CACNA2D2: variants seen among roughly 807,000 people sequenced by gnomAD.
CACNA2D2 encodes the protein voltage-dependent calcium channel subunit alpha-2/delta-2.
A neutral mutation model predicts 166.4 loss-of-function variants in CACNA2D2; 48 were observed. The ratio of observed to expected loss-of-function variants is 0.29; its 90% CI spans 0.23 to 0.37. The LOEUF is 0.37. CACNA2D2 is among the 10% of genes least tolerant of loss of function. The pLI is 1.00. For synonymous variants in CACNA2D2, 561 were observed against 573.7 expected, an observed-to-expected ratio of 0.98 and a Z score of 0.32; for missense variants, 1,122 against 1,433.0, an observed-to-expected ratio of 0.78 and a Z score of 3.50.
At chr3:50,391,468 G>A (rs1285244040) in intron 4 of CACNA2D2, among the ~76,000 whole-genome samples, 1 of 152,238 alleles carries the variant, frequency 6.6e-6, no homozygotes, top group African/African-American at 2.4e-5. Context: ...AGTGTTATGG[G>A]CACCAGGGCA....
chr3:50,489,304 A>G (rs1698420660), intron 1 of CACNA2D2, among the ~76,000 whole-genome samples: 1 of 152,082 alleles, frequency 6.6e-6, no homozygotes, highest in Non-Finnish European at 1.5e-5. Flanking sequence ...ATCCTTCTTC[A>G]TTGTAGAGTA....
chr3:50,401,688 AG>A (rs1689170303), intron 3 of CACNA2D2, among the ~76,000 whole-genome samples: 1 of 152,136 alleles, frequency 6.6e-6, no homozygotes, highest in African/African-American at 2.4e-5. Context: ...GTTACCAAAA[AG>A]TGAACGTTTT....
intron 3 of CACNA2D2, among the ~76,000 whole-genome samples, chr3:50,399,608 G>C (rs997114509): frequency 6.6e-6 from 1 of 152,274 alleles, no homozygotes; most frequent in East Asian, 1.9e-4. Context: ...TGCCTCCCCA[G>C]CAAGACTCAC....
intron 2 of CACNA2D2, among the ~76,000 whole-genome samples, chr3:50,465,943 C>G (rs1709810534): frequency 6.6e-6 from 1 of 152,168 alleles, no homozygotes; most frequent in Non-Finnish European, 1.5e-5. Flanking sequence ...CCTGCAAACT[C>G]TGGAGGATGC....
In CACNA2D2 at chr3:50,412,520, G is replaced by A. The variant is rs187495655; in HGVS notation, c.406-18352C>T. Among the ~76,000 whole-genome samples the A allele has an allele frequency of 9.8e-3, 1,480 of 151,186 alleles. 13 individuals carry two copies. The highest frequency in any genetic ancestry group is 0.016 in the Non-Finnish European group (1,090 of 67,994). ...GAGCCCCTCCTTGCTCCCAGGTCTC[G>A]TGCATCCCAAAGCCATGGGCACTCA... On this transcript the variant is annotated intron_variant, in intron 3 of 37. Coordinates refer to ENST00000424201, the MANE Select transcript of CACNA2D2 (RefSeq NM_006030.4).
intron 1 of CACNA2D2, among the ~76,000 whole-genome samples, chr3:50,491,341 T>C (rs1340513191): frequency 1.3e-5 from 2 of 152,090 alleles, no homozygotes; most frequent in East Asian, 3.9e-4. Context: ...TTGCCCAGAC[T>C]ATCACAGTGA....
At chr3:50,382,319 C>A (rs1333754019) in intron 6 of CACNA2D2, among the ~76,000 whole-genome samples, 1 of 152,182 alleles carries the variant, frequency 6.6e-6, no homozygotes, top group South Asian at 2.1e-4. Flanking sequence ...GGATCCCCAT[C>A]AAAAATCTAC....
At chr3:50,454,778 G>A (rs1559965262) in intron 2 of CACNA2D2, among the ~76,000 whole-genome samples, 1 of 152,174 alleles carries the variant, frequency 6.6e-6, no homozygotes, top group Non-Finnish European at 1.5e-5. Flanking sequence ...CAGGGTGGCT[G>A]GAGGAGGGGC....
At position 50,376,259 on chromosome 3, in the gene CACNA2D2, C is replaced by T. The variant is rs890739754; in HGVS notation, c.1627-71G>A. The T allele has an allele frequency of 3.1e-5, 47 of 1,497,358 alleles. No homozygotes were observed. Among genetic ancestry groups the T allele is most frequent in the Non-Finnish European group, 4.1e-5 (44 of 1,085,892 alleles). The allele number at this position is 1,497,358 out of a possible 1,614,324, so 92.8% of individuals were successfully genotyped here. A position where few individuals can be genotyped will look rare whatever the true frequency, so the allele number is the denominator to read the frequency against. On this transcript the variant is annotated intron_variant, in intron 17 of 37. Transcript: ENST00000424201. This position sits in a 1 kb window ranked among gnomAD's most constrained non-coding sequence, Gnocchi z 4.3. ...GGTTCCCTGGGCTCCGGAGTTCTTCCCTATTTGGCCTCCCACCGCACCGAG... is the reference window on the plus strand; with the variant it reads ...GGTTCCCTGGGCTCCGGAGTTCTTCTCTATTTGGCCTCCCACCGCACCGAG...
intron 4 of CACNA2D2, among the ~76,000 whole-genome samples, chr3:50,387,996 T>A (rs1170094023): frequency 6.6e-6 from 1 of 152,158 alleles, no homozygotes; most frequent in East Asian, 1.9e-4. Context: ...AAATAATGAC[T>A]CGACGCCGCA....
chr3:50,365,802 G>T lies in CACNA2D2; in HGVS notation c.2915+8C>A. 1 of 1,613,512 alleles carries T rather than the reference G, an allele frequency of 6.2e-7. No individual in the cohort carries two copies. On this transcript the variant is annotated splice_region_variant and intron_variant, in intron 33 of 37. Transcript: ENST00000424201. The surrounding 1 kb of genome is among the most constrained non-coding windows in gnomAD (Gnocchi z 4.5). ...ACCTTCTCTACCCACCTCCCGCTCA[G>T]GACTCACCAGGCGGCAGCAGAGGTC...
At chr3:50,468,493 T>C (rs982471804) in intron 2 of CACNA2D2, among the ~76,000 whole-genome samples, 4 of 143,660 alleles carry the variant, frequency 2.8e-5, no homozygotes, top group African/African-American at 1.0e-4. Context: ...GATGGAAGGA[T>C]TGAGCGGCCC....
intron 2 of CACNA2D2, among the ~76,000 whole-genome samples, chr3:50,474,449 C>G (rs527700368): frequency 6.6e-6 from 1 of 152,156 alleles, no homozygotes; most frequent in East Asian, 1.9e-4. Context: ...CATGATGGTA[C>G]GCTGAGCTGG....
chr3:50,378,859 A>G, intron 13 of CACNA2D2, 56 bp downstream of exon 13: 1 of 1,602,798 alleles, frequency 6.2e-7, no homozygotes, highest in Admixed American at 1.7e-5. Flanking sequence ...GAACATACGC[A>G]ATCGACAAAA....
intron 1 of CACNA2D2, among the ~76,000 whole-genome samples, chr3:50,484,416 C>T (rs141907884): frequency 3.4e-4 from 52 of 152,306 alleles, no homozygotes; most frequent in Non-Finnish European, 5.1e-4. Context: ...CCTCTGTCAA[C>T]TCCGTCGCAC....
intron 23 of CACNA2D2, among the ~76,000 whole-genome samples, chr3:50,368,940 C>T (rs887046686): frequency 2.6e-5 from 4 of 152,220 alleles, no homozygotes; most frequent in African/African-American, 7.2e-5. Flanking sequence ...AGCTCTCTCT[C>T]GCTCGACCCC....
At chr3:50,466,611 G>C (rs1303272167) in intron 2 of CACNA2D2, among the ~76,000 whole-genome samples, 1 of 152,198 alleles carries the variant, frequency 6.6e-6, no homozygotes, top group African/African-American at 2.4e-5. Context: ...TCCCCATGCA[G>C]CACCACGCAT....
chr3:50,475,883 C>T (rs1228725102), intron 2 of CACNA2D2, among the ~76,000 whole-genome samples: 1 of 152,192 alleles, frequency 6.6e-6, no homozygotes. Flanking sequence ...CTTTCAGCAA[C>T]AGGGTCATCG....
Position 50,367,170 on chromosome 3 carries a change from TG to T in CACNA2D2, c.2402-62del. The T allele has an allele frequency of 7.6e-7, 1 of 1,317,906 alleles. No individual in the cohort carries two copies. Among genetic ancestry groups the T allele is most frequent in the South Asian group, 1.2e-5 (1 of 82,532 alleles). 81.6% of individuals were successfully genotyped at this position (1,317,906 alleles called of 1,614,324 possible). On this transcript the variant is annotated intron_variant, in intron 27 of 37. Coordinates refer to ENST00000424201, the MANE Select transcript of CACNA2D2 (RefSeq NM_006030.4). The surrounding 1 kb of genome is among the most constrained non-coding windows in gnomAD (Gnocchi z 6.5). Reference sequence around the variant, plus strand: ...GGCGGCCACACTGACCACTCTATGCTGGGTCCTACAAACCCAGCAGTCCAAT... The same window carrying T: ...GGCGGCCACACTGACCACTCTATGCTGGTCCTACAAACCCAGCAGTCCAAT...
Sources: gnomAD v4.1 joint callset for allele counts (sites outside exome capture counted in the v4.1 genomes callset) on GRCh38, gnomAD v4.1.1 for gene constraint, Gnocchi (gnomAD v3.1) non-coding constraint, MANE v1.5 for transcripts, NCBI Gene and HGNC (gene_info 2026-07-23, HGNC 2026-07-21) for gene names.